The following PCDH12 variants were observed in gnomAD, a reference collection of about 807,000 sequenced individuals.
PCDH12 encodes protocadherin 12.
Under a neutral mutation model 70.9 loss-of-function variants are expected in PCDH12, and 45 were observed. The ratio of observed to expected loss-of-function variants is 0.63; its 90% confidence interval spans 0.50 to 0.81. The LOEUF (loss-of-function observed/expected upper bound fraction) is 0.81, where lower values mean the gene tolerates loss of function less well. Ranked by LOEUF, PCDH12 falls within the 40% of genes least tolerant of loss-of-function variation. The probability of loss-of-function intolerance (pLI) is 0.00; values close to 1 mark genes in which losing one functional copy is unlikely to be tolerated. For missense variants in PCDH12, 1,370 were observed against 1,491.7 expected (o/e 0.92, Z 1.34); for synonymous variants, 567 against 626.0 (o/e 0.91, Z 1.41).
chr5:141,956,236 T>A lies in PCDH12; in HGVS notation c.1616A>T (p.Asp539Val), dbSNP rs758306482. 4 of 1,614,212 alleles carry A rather than the reference T, an allele frequency of 2.5e-6. No homozygotes were observed. The highest frequency in any genetic ancestry group is 3.4e-6 in the Non-Finnish European group (4 of 1,180,038). ...GGATGCAAGCATGGGTTGCCCGCTG[T>A]CCTCTGCGATCACCTGGAACTCAAA... ...AGFEFQVIAE[D>V]SGQPMLASSV... Residue 539 changes from aspartate (D) to valine (V), a missense_variant, in exon 1 of 4, where the codon GAC (aspartate) becomes GTC (valine). Physicochemically the swap from Asp to Val is radical, Grantham distance 152. Coordinates refer to ENST00000231484, the MANE Select transcript of PCDH12 (RefSeq NM_016580.4).
intron 3 of PCDH12, among the ~76,000 whole-genome samples, chr5:141,948,126 T>C (rs1463603544): frequency 6.6e-6 from 1 of 152,216 alleles, no homozygotes; most frequent in Non-Finnish European, 1.5e-5. Flanking sequence ...CTCTAAAATT[T>C]ACAGCCACAC....
chr5:141,951,689 C>T, intron 1 of PCDH12, 99 bp from the exon 2 acceptor site: 4 of 863,906 alleles, frequency 4.6e-6, no homozygotes, highest in Non-Finnish European at 7.8e-6. Context: ...TTTTTATAGT[C>T]TTTCCTCTGG....
In PCDH12 at chr5:141,957,818, A is replaced by G. The variant is rs1753213589; in HGVS notation, c.34T>C (p.Leu12=). 6.2e-7 allele frequency: 1 copy of G among 1,601,566 alleles called. No individual in the cohort carries two copies. Among genetic ancestry groups the G allele is most frequent in the Middle Eastern group, 1.7e-4 (1 of 6,056 alleles). Residue 12 remains leucine, a synonymous_variant, in exon 1 of 4, where the codon TTG becomes CTG. Coordinates refer to ENST00000231484, the MANE Select transcript of PCDH12 (RefSeq NM_016580.4). This position sits in a 1 kb window ranked among gnomAD's most constrained non-coding sequence, Gnocchi z 4.3. The part of the protein sequence containing the change: ...MQLLQLLLGL[L]GPGGYLFLLG... ...AGAAATAAGTAGCCACCTGGCCCCA[A>G]AAGCCCCAGCAGAAGTTGCAGAAGT... is the stretch of plus-strand genomic sequence containing the variant.
In PCDH12 at chr5:141,945,534, C is replaced by T. The variant is rs1752891464; in HGVS notation, c.3402G>A (p.Glu1134=). Residue 1134 remains glutamate (E), a synonymous_variant, in exon 4 of 4, where the codon GAG becomes GAA. Transcript: ENST00000231484. ...CGCAGACCGAGAGCCGCCGCAGCGC[C>T]TCGGAGGCGGCCTCCACGGGCATGC... The part of the protein sequence containing the change: ...RSSMPVEAAS[E]ALRRLSVCGR... 6.2e-7 allele frequency: 1 copy of T among 1,613,938 alleles called. No homozygotes were observed. Among genetic ancestry groups the T allele is most frequent in the South Asian group, 1.1e-5 (1 of 91,072 alleles).
In PCDH12 at chr5:141,956,702, C is replaced by T. The variant is rs761321295; in HGVS notation, c.1150G>A (p.Gly384Arg). ...CAGCAGTGGACCAAACCATTGTGTC[C>T]TGAATCCAAGTCATCTGCCATGACA... ...ALVMADDLDS[G>R]HNGLVHCWLS... The change falls in exon 1 of 4, where the codon GGA becomes AGA. Residue 384 changes from glycine to arginine, a missense_variant. Gly to Arg is a moderately radical substitution (Grantham distance 125, BLOSUM62 -2). Coordinates refer to ENST00000231484, the MANE Select transcript of PCDH12 (RefSeq NM_016580.4). The T allele has an allele frequency of 6.2e-7, 1 of 1,614,252 alleles. No individual in the cohort carries two copies. The highest frequency in any genetic ancestry group is 2.2e-5 in the East Asian group (1 of 44,892).
chr5:141,951,916 A>G (rs1194571936), intron 1 of PCDH12, among the ~76,000 whole-genome samples: 2 of 152,246 alleles, frequency 1.3e-5, no homozygotes, highest in African/African-American at 2.4e-5. Flanking sequence ...TTTCCTGACC[A>G]TCAATTTGTT....
intron 1 of PCDH12, among the ~76,000 whole-genome samples, 198 bp from the exon 2 acceptor site, chr5:141,951,788 A>G (rs1006993820): frequency 7.9e-5 from 12 of 151,962 alleles, no homozygotes; most frequent in Admixed American, 6.5e-4. Flanking sequence ...CTGTCATGTC[A>G]CCCCAGGACC....
intron 3 of PCDH12, among the ~76,000 whole-genome samples, chr5:141,946,140 T>C (rs1752920856): frequency 6.6e-6 from 1 of 152,114 alleles, no homozygotes; most frequent in Non-Finnish European, 1.5e-5. Flanking sequence ...TCATCCAGGA[T>C]TTTTACCCCT....
rs966968448 is a variant in PCDH12, at chr5:141,944,611, C to A, written c.*770G>T. 5 of 152,226 alleles carry A rather than the reference C, an allele frequency of 3.3e-5. No individual in the cohort carries two copies. Among genetic ancestry groups the A allele is most frequent in the African/African-American group, 1.2e-4 (5 of 41,442 alleles). The allele number at this position is 152,226 out of a possible 1,614,324, so 9.4% of individuals were successfully genotyped here. A position where few individuals can be genotyped will look rare whatever the true frequency, so the allele number is the denominator to read the frequency against. ...GGGAAAGCCACTTGACCTCTCCAAG[C>A]CCCATATCCGTGTCTGTGAAATGGG... On this transcript the variant is annotated 3_prime_UTR_variant, in exon 4 of 4. Transcript: ENST00000231484.
At chr5:141,945,891 C>T in intron 3 of PCDH12, 86 bp from the exon 4 acceptor site, 3 of 1,253,856 alleles carry the variant, frequency 2.4e-6, no homozygotes, top group Non-Finnish European at 3.4e-6. Flanking sequence ...AGGGCAAGGG[C>T]AGTGGACAAA....
rs1269565038 is a variant in PCDH12, at chr5:141,956,740, C to G, written c.1112G>C (p.Ser371Thr). Residue 371 changes from serine (S) to threonine (T), a missense_variant, in exon 1 of 4, where the codon AGT (serine) becomes ACT (threonine). By Grantham distance (58) the Ser-to-Thr change is moderately conservative. Transcript: ENST00000231484. ...ATCTGCCATGACAAGAGCAATAAAA[C>G]TGTCCTTGGGAAGAGCTTCTGACAC... The part of the protein sequence containing the change: ...SLVSEALPKD[S>T]FIALVMADDL... 5 of 1,614,142 alleles carry G rather than the reference C, an allele frequency of 3.1e-6. No individual in the cohort carries two copies. In the African/African-American group the frequency reaches 5.3e-5, roughly 17 times the overall value.
At position 141,945,650 on chromosome 5, in the gene PCDH12, G is replaced by T. The variant is rs567000381; in HGVS notation, c.3286C>A (p.Pro1096Thr). Residue 1096 changes from proline (P) to threonine (T), a missense_variant, in exon 4 of 4, where the codon CCA becomes ACA. Pro to Thr is a conservative substitution (Grantham distance 38, BLOSUM62 -1). Transcript: ENST00000231484. ...CTCGTGCCTGTTGGGCTCAGCTCTGGTGCCTCTGCCTTGCCGAACGTCTGG... is the reference window on the plus strand; with the variant it reads ...CTCGTGCCTGTTGGGCTCAGCTCTGTTGCCTCTGCCTTGCCGAACGTCTGG... ...TFQTFGKAEA[P>T]ELSPTGTRLA... The T allele has an allele frequency of 1.9e-6, 3 of 1,614,246 alleles. No homozygotes were observed. The highest frequency in any genetic ancestry group is 2.2e-5 in the South Asian group (2 of 91,088).
chr5:141,945,468 T>C lies in PCDH12; in HGVS notation c.3468A>G (p.Ser1156=). The change falls in exon 4 of 4, where the codon TCA becomes TCG. Residue 1156 remains serine, a synonymous_variant. Coordinates refer to ENST00000231484, the MANE Select transcript of PCDH12 (RefSeq NM_016580.4). ...CTGGGTCCCCTTGCACTTTCATGCC[T>C]GAGGCTGCACTGGTGGCCAAGTCTA... is the stretch of plus-strand genomic sequence containing the variant. ...LSLDLATSAA[S]GMKVQGDPGG... is the part of the protein sequence containing the mutation. The C allele has an allele frequency of 1.2e-6, 2 of 1,613,170 alleles. No individual in the cohort carries two copies. The highest frequency in any genetic ancestry group is 1.7e-6 in the Non-Finnish European group (2 of 1,179,604).
intron 1 of PCDH12, 33 bp downstream of exon 1, chr5:141,954,939 G>A (rs1753147765): frequency 6.3e-7 from 1 of 1,585,344 alleles, no homozygotes; most frequent in Non-Finnish European, 8.6e-7. Flanking sequence ...GTCCAGGAGT[G>A]ACCAGAGAAA....
Position 141,945,665 on chromosome 5 carries a change from C to A in PCDH12, c.3271G>T (p.Gly1091Cys). 1.2e-6 allele frequency: 2 copies of A among 1,614,222 alleles called. No individual in the cohort carries two copies. Residue 1091 changes from glycine (G) to cysteine (C), a missense_variant, in exon 4 of 4, where the codon GGC becomes TGC. Gly to Cys is a radical substitution (Grantham distance 159). Coordinates refer to ENST00000231484, the MANE Select transcript of PCDH12 (RefSeq NM_016580.4). ...CTCAGCTCTGGTGCCTCTGCCTTGCCGAACGTCTGGAAGGTCCTTGGCTCC... is the reference window on the plus strand; with the variant it reads ...CTCAGCTCTGGTGCCTCTGCCTTGCAGAACGTCTGGAAGGTCCTTGGCTCC... ...TEEPRTFQTFGKAEAPELSPT... is the reference protein window; with the variant it reads ...TEEPRTFQTFCKAEAPELSPT...
chr5:141,956,502 G>C lies in PCDH12; in HGVS notation c.1350C>G (p.Ile450Met). Residue 450 changes from isoleucine to methionine, a missense_variant, in exon 1 of 4, where the codon ATC becomes ATG. Physicochemically the swap from Ile to Met is conservative, Grantham distance 10 (BLOSUM62 1). Transcript: ENST00000231484. Reference protein sequence around the residue: ...LSAKKQLSIQISDINDNAPVF... With the variant: ...LSAKKQLSIQMSDINDNAPVF... ...CAGGTGCATTGTCGTTGATGTCACT[G>C]ATCTGAATGCTGAGCTGTTTCTTGG... The C allele has an allele frequency of 1.2e-6, 2 of 1,614,234 alleles. No homozygotes were observed. The highest frequency in any genetic ancestry group is 1.7e-6 in the Non-Finnish European group (2 of 1,180,034).
In PCDH12 at chr5:141,949,452, C is replaced by T. The variant is rs1320137685; in HGVS notation, c.3110G>A (p.Ser1037Asn). 1.9e-6 allele frequency: 3 copies of T among 1,613,714 alleles called. No homozygotes were observed. The highest frequency in any genetic ancestry group is 2.7e-5 in the African/African-American group (2 of 74,896). The part of the protein sequence containing the change: ...VKQLLEEELS[S>N]LLDPSTGLAL... Reference sequence around the variant, plus strand: ...CCTACCTGTGCTGGGGTCCAGCAGACTTGACAGCTCTTCTTCTAGCAGTTG... The same window carrying T: ...CCTACCTGTGCTGGGGTCCAGCAGATTTGACAGCTCTTCTTCTAGCAGTTG... The change falls in exon 3 of 4, where the codon AGT (serine) becomes AAT (asparagine). Residue 1037 changes from serine (S) to asparagine (N), a missense_variant. Transcript: ENST00000231484.
At chr5:141,953,351 T>C (rs993662716) in intron 1 of PCDH12, 3 of 152,206 alleles carry the variant, frequency 2.0e-5, no homozygotes, top group Admixed American at 1.3e-4. Context: ...ATGAGCTTAT[T>C]AATAAATCCC....
intron 2 of PCDH12, 121 bp downstream of exon 2, chr5:141,951,372 G>A: frequency 2.7e-6 from 2 of 729,378 alleles, no homozygotes; most frequent in Non-Finnish European, 2.4e-6. Context: ...GCTGTCTGCT[G>A]CACCCTCCCA....
Sources: gnomAD v4.1 joint callset for allele counts (sites outside exome capture counted in the v4.1 genomes callset) on GRCh38, gnomAD v4.1.1 for gene constraint, Gnocchi (gnomAD v3.1) non-coding constraint, MANE v1.5 for transcripts, NCBI Gene and HGNC (gene_info 2026-07-23, HGNC 2026-07-21) for gene names.